TRIM37: variants seen among roughly 807,000 people sequenced by gnomAD.
TRIM37 encodes the protein E3 ubiquitin-protein ligase TRIM37.
In TRIM37, 80 loss-of-function variants were observed where a neutral mutation model predicts 129.8. The observed-to-expected ratio is 0.62, with a 90% CI of 0.51 to 0.74. The LOEUF (loss-of-function observed/expected upper bound fraction) is 0.74. TRIM37 is among the 30% of genes least tolerant of loss of function. The pLI is 0.00. For synonymous variants in TRIM37, 389 were observed against 387.1 expected, an observed-to-expected ratio of 1.00 and a Z score of -0.06; for missense variants, 1,054 against 1,176.5, an observed-to-expected ratio of 0.90 and a Z score of 1.52.
At chr17:59,033,184 T>C (rs2038078438) in intron 17 of TRIM37, among the ~76,000 whole-genome samples, 2 of 152,228 alleles carry the variant, frequency 1.3e-5, no homozygotes, top group Admixed American at 1.3e-4. Flanking sequence ...TATTAAAAAG[T>C]CAGGTTCCAA....
intron 19 of TRIM37, among the ~76,000 whole-genome samples, chr17:59,023,212 A>G (rs1444374073): frequency 2.0e-5 from 3 of 152,082 alleles, no homozygotes; most frequent in African/African-American, 4.8e-5. Flanking sequence ...AGTAGCTGGG[A>G]TTACAGGCAT....
intron 2 of TRIM37, among the ~76,000 whole-genome samples, chr17:59,094,648 G>T (rs1408790465): frequency 6.6e-6 from 1 of 152,028 alleles, no homozygotes; most frequent in Non-Finnish European, 1.5e-5. Context: ...AACATTTATA[G>T]TTCAATTACT....
At chr17:59,019,523 C>G (rs1391225412) in intron 19 of TRIM37, among the ~76,000 whole-genome samples, 1 of 152,094 alleles carries the variant, frequency 6.6e-6, no homozygotes, top group Non-Finnish European at 1.5e-5. Context: ...ACCTGGCCAA[C>G]ATGGTGAAAC....
In TRIM37 at chr17:59,064,895, G is replaced by A. The variant is rs150362790; in HGVS notation, c.810-490C>T. ...TACCACACATCTCTATTAAAAATAC[G>A]CAAAAATTACCCAAATGTGGTGGTG... On this transcript the variant is annotated intron_variant, in intron 9 of 23. Transcript: ENST00000262294. 3.5e-4 allele frequency among the ~76,000 whole-genome samples: 51 copies of A among 146,412 alleles called. 1 individual carries two copies. Among genetic ancestry groups the A allele is most frequent in the Admixed American group, 1.3e-3 (19 of 14,586 alleles).
chr17:59,053,889 G>A (rs1243377345), intron 13 of TRIM37, among the ~76,000 whole-genome samples: 2 of 152,104 alleles, frequency 1.3e-5, no homozygotes, highest in African/African-American at 2.4e-5. Flanking sequence ...ACTTGAGCCC[G>A]AGAATTCTAG....
chr17:59,029,860 T>C (rs2037647529), intron 18 of TRIM37, among the ~76,000 whole-genome samples: 1 of 152,238 alleles, frequency 6.6e-6, no homozygotes, highest in African/African-American at 2.4e-5. Context: ...GTCATATATT[T>C]CTGCACACTA....
intron 17 of TRIM37, among the ~76,000 whole-genome samples, chr17:59,036,790 A>C (rs1003653854): frequency 7.2e-5 from 11 of 152,088 alleles, no homozygotes; most frequent in Admixed American, 2.6e-4. Context: ...TTTAGATCAC[A>C]TAACTCTTTA....
chr17:59,097,726 T>C (rs895526280), intron 2 of TRIM37, among the ~76,000 whole-genome samples: 3 of 152,078 alleles, frequency 2.0e-5, no homozygotes, highest in Non-Finnish European at 4.4e-5. Flanking sequence ...AGTGAGATCC[T>C]GTCTCAAAAC....
intron 1 of TRIM37, among the ~76,000 whole-genome samples, chr17:59,106,024 C>T (rs908848765): frequency 1.2e-4 from 18 of 152,152 alleles, no homozygotes; most frequent in Non-Finnish European, 2.2e-4. Context: ...AGGGCAGAAG[C>T]CTGCAAAATG....
chr17:59,101,677 A>AAAAAT (rs1568265833), intron 2 of TRIM37, among the ~76,000 whole-genome samples: 14 of 101,594 alleles, frequency 1.4e-4, no homozygotes, highest in African/African-American at 5.7e-4. Flanking sequence ...AAAAAAAAAA[A>AAAAAT]ATATATATAT....
intron 22 of TRIM37, among the ~76,000 whole-genome samples, chr17:59,005,242 A>T (rs1434720603): frequency 6.6e-6 from 1 of 150,864 alleles, no homozygotes; most frequent in Non-Finnish European, 1.5e-5. Context: ...TTATTCTTTT[A>T]AAAAAGTTAT....
intron 17 of TRIM37, among the ~76,000 whole-genome samples, chr17:59,040,366 T>G (rs780785381): frequency 9.2e-5 from 14 of 151,940 alleles, no homozygotes; most frequent in Non-Finnish European, 1.3e-4. Context: ...GAGTACCAAA[T>G]GAATTTATGC....
At chr17:58,983,374 G>C (rs1339620382) in intron 24 of TRIM37, 1 of 154,922 alleles carries the variant, frequency 6.5e-6, no homozygotes, top group African/African-American at 2.4e-5. Flanking sequence ...TAAAATAGTG[G>C]TTATTGGTCT....
chr17:59,098,345 A>C (rs907433877), intron 2 of TRIM37, among the ~76,000 whole-genome samples: 7 of 152,178 alleles, frequency 4.6e-5, no homozygotes, highest in African/African-American at 1.2e-4. Flanking sequence ...TAATGCCGCT[A>C]AACAGTACAC....
At chr17:58,980,283 C>A (rs746727705), downstream of TRIM37, 14 of 1,614,126 alleles carry the variant, frequency 8.7e-6, no homozygotes, top group Non-Finnish European at 1.1e-5. This position sits in a 1 kb window ranked among gnomAD's most constrained non-coding sequence, Gnocchi z 4.7. Flanking sequence ...ACAGAGAACT[C>A]TTTTCAAGGA....
chr17:59,016,828 G>A (rs897749792), intron 20 of TRIM37, among the ~76,000 whole-genome samples: 1 of 151,972 alleles, frequency 6.6e-6, no homozygotes, highest in African/African-American at 2.4e-5. Context: ...AAGGTGTTTA[G>A]AATACATAGT....
intron 19 of TRIM37, among the ~76,000 whole-genome samples, chr17:59,021,332 T>A (rs1598942124): frequency 1.3e-5 from 2 of 151,936 alleles, no homozygotes; most frequent in East Asian, 1.9e-4. Flanking sequence ...GAGGCAGAGG[T>A]TGCAGTGAGC....
At chr17:59,013,247 G>A (rs547737113) in intron 21 of TRIM37, among the ~76,000 whole-genome samples, 4 of 152,106 alleles carry the variant, frequency 2.6e-5, no homozygotes, top group East Asian at 3.9e-4. Context: ...GGGCTCAAGC[G>A]ATTCTCCTGC....
In TRIM37 at chr17:59,012,325, T is replaced by C. The variant is rs1490928615; in HGVS notation, c.2695+3A>G. 1.9e-6 allele frequency: 3 copies of C among 1,593,392 alleles called. No individual in the cohort carries two copies. The highest frequency in any genetic ancestry group is 1.3e-5 in the African/African-American group (1 of 74,296). ...GCTTACTTATAAGTTTATCATTCCT[T>C]ACCTTCTTCAGGGGCAGCTGAAGCT... is the stretch of plus-strand genomic sequence containing the variant. On this transcript the variant is annotated splice_donor_region_variant and intron_variant, in intron 22 of 23. Coordinates refer to ENST00000262294, the MANE Select transcript of TRIM37 (RefSeq NM_015294.6).
Sources: allele counts gnomAD v4.1 joint callset (sites outside exome capture counted in the v4.1 genomes callset), GRCh38; gene constraint gnomAD v4.1.1; non-coding constraint Gnocchi (gnomAD v3.1); transcripts MANE v1.5; gene names NCBI Gene and HGNC (gene_info 2026-07-23, HGNC 2026-07-21).